Variants in SYNE3 observed in about 807,000 individuals in gnomAD.
SYNE3 encodes the protein spectrin repeat containing nuclear envelope family member 3.
In SYNE3, 100 loss-of-function variants were observed where a neutral mutation model predicts 111.2. The observed-to-expected ratio is 0.90, with a 90% CI of 0.77 to 1.06. The LOEUF (loss-of-function observed/expected upper bound fraction) is 1.06, where lower values mean the gene tolerates loss of function less well. Ranked by LOEUF, SYNE3 falls within the 50% of genes least tolerant of loss-of-function variation. The probability of loss-of-function intolerance (pLI) is 0.00; values close to 1 mark genes in which losing one functional copy is unlikely to be tolerated. For missense variants in SYNE3, 1,160 were observed against 1,240.3 expected, an observed-to-expected ratio of 0.94 and a Z score of 0.97; for synonymous variants, 547 against 533.9, an observed-to-expected ratio of 1.02 and a Z score of -0.34.
intron 17 of SYNE3, among the ~76,000 whole-genome samples, chr14:95,420,926 G>A (rs577512483): frequency 9.9e-5 from 15 of 152,264 alleles, no homozygotes; most frequent in African/African-American, 3.6e-4. Context: ...TTATGGGAGG[G>A]ACCCAGTGGG....
chr14:95,481,358 G>A (rs4905330), intron 1 of SYNE3, among the ~76,000 whole-genome samples: 2,765 of 152,228 alleles, frequency 0.018, 43 homozygotes, highest in South Asian at 0.041. Flanking sequence ...AAGCCCCTCC[G>A]AGTCCAGCTA....
At chr14:95,514,325 G>T (rs1326067966) in intron 1 of SYNE3, among the ~76,000 whole-genome samples, 1 of 152,178 alleles carries the variant, frequency 6.6e-6, no homozygotes, top group Non-Finnish European at 1.5e-5. Context: ...CAGCTGTTTG[G>T]GGTCAAGAGC....
At chr14:95,423,300 G>A (rs868638750) in intron 17 of SYNE3, among the ~76,000 whole-genome samples, 7 of 152,224 alleles carry the variant, frequency 4.6e-5, no homozygotes, top group East Asian at 1.9e-4. Context: ...ATCCAGGAGC[G>A]GATGTATGAC....
chr14:95,482,209 G>T lies in SYNE3; in HGVS notation c.-14-6374C>A, dbSNP rs755622334. Among the ~76,000 whole-genome samples, 4 of 128,030 alleles carry T rather than the reference G, an allele frequency of 3.1e-5. 1 individual carries two copies. 84.0% of individuals were successfully genotyped at this position (128,030 alleles called of 152,430 possible). A position where few individuals can be genotyped will look rare whatever the true frequency, so the allele number is the denominator to read the frequency against. ...AACACTTTGGGAGGTCAAGGCAGGC[G>T]GATCACCTGAGGTCAGGAGTTTGAG... On this transcript the variant is annotated intron_variant, in intron 1 of 17. Transcript: ENST00000682763.
At chr14:95,488,153 A>T (rs1445055862) in intron 1 of SYNE3, among the ~76,000 whole-genome samples, 1 of 152,246 alleles carries the variant, frequency 6.6e-6, no homozygotes. Context: ...TCCAGTCAAC[A>T]GTAGCTATTA....
chr14:95,477,587 C>T (rs1417885876), intron 1 of SYNE3, among the ~76,000 whole-genome samples: 2 of 152,140 alleles, frequency 1.3e-5, no homozygotes. Context: ...TCGGGGAGAA[C>T]CCACAAGAGA....
chr14:95,470,545 A>G lies in SYNE3; in HGVS notation c.145-2578T>C, dbSNP rs1455625885. Among the ~76,000 whole-genome samples the G allele has an allele frequency of 6.6e-6, 1 of 151,534 alleles. No homozygotes were observed. The highest frequency in any genetic ancestry group is 1.5e-5 in the Non-Finnish European group (1 of 67,940). On this transcript the variant is annotated intron_variant, in intron 2 of 17. Coordinates refer to ENST00000682763, the MANE Select transcript of SYNE3 (RefSeq NM_152592.6). This position sits in a 1 kb window ranked among gnomAD's most constrained non-coding sequence, Gnocchi z 4.2. Reference sequence around the variant, plus strand: ...ATATGCCTGTAGTCCTAGTTACTCAAGAGGCTGAGGCAGGAAGATTGCTTG... The same window carrying G: ...ATATGCCTGTAGTCCTAGTTACTCAGGAGGCTGAGGCAGGAAGATTGCTTG...
At chr14:95,502,167 C>T (rs1425164565) in intron 1 of SYNE3, among the ~76,000 whole-genome samples, 1 of 152,148 alleles carries the variant, frequency 6.6e-6, no homozygotes, top group African/African-American at 2.4e-5. Context: ...CCCCAGGAAA[C>T]CTCTTAGTCT....
intron 5 of SYNE3, 152 bp downstream of exon 5, chr14:95,457,025 C>G: frequency 9.6e-7 from 1 of 1,046,066 alleles, no homozygotes. Flanking sequence ...GTGGAGCTTG[C>G]AGTGAGCTGA....
chr14:95,467,652 G>T, intron 3 of SYNE3, 143 bp downstream of exon 3: 1 of 968,310 alleles, frequency 1.0e-6, no homozygotes, highest in Non-Finnish European at 1.5e-6. Flanking sequence ...GGCAGGCAGG[G>T]CTGGCCCTAA....
At chr14:95,493,215 CA>C (rs1889930752) in intron 1 of SYNE3, among the ~76,000 whole-genome samples, 1 of 152,036 alleles carries the variant, frequency 6.6e-6, no homozygotes, top group African/African-American at 2.4e-5. Flanking sequence ...CCTTTTTTTC[CA>C]AATGGAGAAC....
rs1187542865 is a variant in SYNE3 at position 95,410,463 on chromosome 14, A to G, written c.*7363T>C. The G allele has an allele frequency of 1.3e-5, 2 of 152,188 alleles. No homozygotes were observed. The highest frequency in any genetic ancestry group is 4.8e-5 in the African/African-American group (2 of 41,430). 9.4% of individuals were successfully genotyped at this position (152,188 alleles called of 1,614,324 possible). Reference sequence around the variant, plus strand: ...CACAGTCCTGGCCAATGAGATGAGAACGGAAGTGGCTGGTGGAGCTTCTGG... The same window carrying G: ...CACAGTCCTGGCCAATGAGATGAGAGCGGAAGTGGCTGGTGGAGCTTCTGG... On this transcript the variant is annotated 3_prime_UTR_variant, in exon 18 of 18. Coordinates refer to ENST00000682763, the MANE Select transcript of SYNE3 (RefSeq NM_152592.6).
intron 1 of SYNE3, among the ~76,000 whole-genome samples, chr14:95,491,267 C>T (rs553121954): frequency 2.8e-4 from 43 of 152,150 alleles, no homozygotes; most frequent in African/African-American, 1.0e-3. Context: ...CTAGCTGTGC[C>T]GTTTTATGGA....
At chr14:95,490,734 A>C (rs1018575637) in intron 1 of SYNE3, among the ~76,000 whole-genome samples, 9 of 152,242 alleles carry the variant, frequency 5.9e-5, no homozygotes, top group African/African-American at 1.9e-4. Context: ...CTGACTCCAC[A>C]GCTCAACCTG....
In SYNE3 at chr14:95,415,001, T is replaced by A. The variant is rs1231417010; in HGVS notation, c.*2825A>T. The A allele has an allele frequency of 2.0e-5, 3 of 151,924 alleles. No homozygotes were observed. The highest frequency in any genetic ancestry group is 4.8e-5 in the African/African-American group (2 of 41,350). The allele number at this position is 151,924 out of a possible 1,614,324, so 9.4% of individuals were successfully genotyped here. A position where few individuals can be genotyped will look rare whatever the true frequency, so the allele number is the denominator to read the frequency against. The stretch of plus-strand genomic sequence containing the variant: ...ATTATCAAAATTTAAAAAATATAGG[T>A]AGATATTCCCACCCCCGCCCGCATG... On this transcript the variant is annotated 3_prime_UTR_variant, in exon 18 of 18. Transcript: ENST00000682763.
At chr14:95,491,140 T>A (rs971443550) in intron 1 of SYNE3, among the ~76,000 whole-genome samples, 1 of 152,144 alleles carries the variant, frequency 6.6e-6, no homozygotes, top group South Asian at 2.1e-4. Flanking sequence ...AGATCTCGGG[T>A]TGCGGGGTAA....
At chr14:95,430,854 A>G (rs1365493642) in intron 17 of SYNE3, among the ~76,000 whole-genome samples, 4 of 150,956 alleles carry the variant, frequency 2.6e-5, no homozygotes, top group Admixed American at 1.3e-4. Flanking sequence ...CATTTTATAG[A>G]TGGGGAAAGT....
At chr14:95,505,101 C>A (rs757719677) in intron 1 of SYNE3, among the ~76,000 whole-genome samples, 1 of 152,258 alleles carries the variant, frequency 6.6e-6, no homozygotes, top group Non-Finnish European at 1.5e-5. Flanking sequence ...CTCCGGGCAA[C>A]TCCCTTCCCG....
At chr14:95,506,857 G>A (rs1360285105) in intron 1 of SYNE3, among the ~76,000 whole-genome samples, 2 of 152,168 alleles carry the variant, frequency 1.3e-5, no homozygotes, top group African/African-American at 4.8e-5. Flanking sequence ...CTTGCCACAG[G>A]CGACAAAATC....
Sources: allele counts gnomAD v4.1 joint callset (sites outside exome capture counted in the v4.1 genomes callset), GRCh38; gene constraint gnomAD v4.1.1; non-coding constraint Gnocchi (gnomAD v3.1); transcripts MANE v1.5; gene names NCBI Gene and HGNC (gene_info 2026-07-23, HGNC 2026-07-21).